ITLN1: variants seen among roughly 807,000 people sequenced by gnomAD.
ITLN1 encodes the protein intelectin-1.
In ITLN1, 29 loss-of-function variants were observed where a neutral mutation model predicts 36.2. The ratio of observed to expected loss-of-function variants is 0.80; its 90% confidence interval spans 0.60 to 1.09. The LOEUF (loss-of-function observed/expected upper bound fraction) is 1.09. Among genes scored for constraint, ITLN1 ranks in the 50% least tolerant of loss-of-function variants. ITLN1 has a pLI of 0.00. For synonymous variants in ITLN1, 143 were observed against 146.5 expected, an observed-to-expected ratio of 0.98 and a Z score of 0.17; for missense variants, 358 against 405.2, an observed-to-expected ratio of 0.88 and a Z score of 1.00.
In ITLN1 at chr1:160,876,669, G is replaced by C. The variant is rs374218069; in HGVS notation, c.937C>G (p.Arg313Gly). The change falls in exon 8 of 8, where the codon CGT becomes GGT. Residue 313 changes from arginine (R) to glycine (G), a missense_variant. Physicochemically the swap from Arg to Gly is moderately radical, Grantham distance 125. Coordinates refer to ENST00000326245, the MANE Select transcript of ITLN1 (RefSeq NM_017625.3). Reference protein sequence around the residue: ...ITEAAVLLFYR With the variant: ...ITEAAVLLFYG ...GGTTCCCTCCCACAAAACTCTCAAC[G>C]ATAGAATAGAAGCACAGCTGCCTCA... 1.2e-6 allele frequency: 2 copies of C among 1,614,000 alleles called. No homozygotes were observed. Among genetic ancestry groups the C allele is most frequent in the Non-Finnish European group, 1.7e-6 (2 of 1,180,002 alleles).
At chr1:160,878,876 A>T (rs993152270) in intron 7 of ITLN1, among the ~76,000 whole-genome samples, 1 of 152,170 alleles carries the variant, frequency 6.6e-6, no homozygotes, top group Non-Finnish European at 1.5e-5. Context: ...TGCAGTGTGT[A>T]TCTAGGCAAA....
At chr1:160,879,630 G>A (rs2274906) in intron 6 of ITLN1, among the ~76,000 whole-genome samples, 47,604 of 151,998 alleles carry the variant, frequency 0.31, 8,846 homozygotes, top group Admixed American at 0.43. Context: ...TGAAGAGCTG[G>A]TCCTCAGAGA....
chr1:160,883,614 T>G (rs1046745972), intron 2 of ITLN1, 88 bp from the exon 3 acceptor site: 4 of 923,080 alleles, frequency 4.3e-6, no homozygotes, highest in Non-Finnish European at 7.0e-6. Context: ...ATTCCACCAC[T>G]GTAGCAGAAC....
In ITLN1 at chr1:160,884,889, G is replaced by C. The variant is rs747105662; in HGVS notation, c.-6-6C>G. 1 of 1,607,802 alleles carries C rather than the reference G, an allele frequency of 6.2e-7. No individual in the cohort carries two copies. The highest frequency in any genetic ancestry group is 1.1e-5 in the South Asian group (1 of 90,892). On this transcript the variant is annotated splice_region_variant and splice_polypyrimidine_tract_variant and intron_variant, in intron 1 of 7. Transcript: ENST00000326245. Reference sequence around the variant, plus strand: ...CTGAGTTGGTTCATTGTAATCTAAAGAAAGCAAGATGAAGGTCACCATCTT... The same window carrying C: ...CTGAGTTGGTTCATTGTAATCTAAACAAAGCAAGATGAAGGTCACCATCTT...
chr1:160,881,561 C>A (rs1160569527), intron 4 of ITLN1: 3 of 517,662 alleles, frequency 5.8e-6, no homozygotes, highest in Non-Finnish European at 9.9e-6. Flanking sequence ...ATAATCCCAG[C>A]ACTTTGGGAG....
Position 160,879,297 on chromosome 1 carries a change from C to T in ITLN1, c.789+14G>A. ...CCTTACTCACAGGTCCCTGCAGTCC[C>T]CACAGAGACTCACGTGCTCAGTGTT... On this transcript the variant is annotated intron_variant, in intron 7 of 7. Coordinates refer to ENST00000326245, the MANE Select transcript of ITLN1 (RefSeq NM_017625.3). 1 of 1,602,316 alleles carries T rather than the reference C, an allele frequency of 6.2e-7. No homozygotes were observed.
chr1:160,878,159 ACT>A (rs1670620768), intron 7 of ITLN1, among the ~76,000 whole-genome samples: 2 of 150,574 alleles, frequency 1.3e-5, no homozygotes, highest in Admixed American at 1.3e-4. Context: ...CAAGAGCAAA[ACT>A]CTGTCTCAAA....
At chr1:160,884,765 G>A (rs547977946) in intron 2 of ITLN1, 55 bp downstream of exon 2, 2 of 1,244,182 alleles carry the variant, frequency 1.6e-6, no homozygotes, top group South Asian at 2.4e-5. Flanking sequence ...GGAGAGACCA[G>A]GATCCCGGAA....
chr1:160,881,063 A>G, intron 5 of ITLN1, 91 bp downstream of exon 5: 1 of 1,369,004 alleles, frequency 7.3e-7, no homozygotes, highest in South Asian at 1.4e-5. Flanking sequence ...CATGGGAGAC[A>G]GACCCATTAA....
At position 160,884,864 on chromosome 1, in the gene ITLN1, C is replaced by A. The variant is rs765857065; in HGVS notation, c.14G>T (p.Ser5Ile). 1 of 1,613,088 alleles carries A rather than the reference C, an allele frequency of 6.2e-7. No individual in the cohort carries two copies. The highest frequency in any genetic ancestry group is 8.5e-7 in the Non-Finnish European group (1 of 1,179,168). Residue 5 changes from serine to isoleucine, a missense_variant, in exon 2 of 8, where the codon AGC (serine) becomes ATC (isoleucine). Transcript: ENST00000326245. MNQLSFLLFLIATTR... is the reference protein window; with the variant it reads MNQLIFLLFLIATTR... Reference sequence around the variant, plus strand: ...GGTCGCTATGAGAAACAGCAGGAAGCTGAGTTGGTTCATTGTAATCTAAAG... The same window carrying A: ...GGTCGCTATGAGAAACAGCAGGAAGATGAGTTGGTTCATTGTAATCTAAAG...
intron 6 of ITLN1, 107 bp from the exon 7 acceptor site, chr1:160,879,521 C>T: frequency 1.2e-6 from 1 of 817,480 alleles, no homozygotes; most frequent in Non-Finnish European, 2.0e-6. Context: ...CAGCCCAACA[C>T]TCCAGCTGTA....
rs1324939039 is a variant in ITLN1, at chr1:160,882,011, C to T, written c.351G>A (p.Trp117Ter). The change falls in exon 4 of 8, where the codon TGG becomes TGA. Residue 117 changes from tryptophan (W) to a stop codon, truncating the protein, a stop_gained. Transcript: ENST00000326245. LOFTEE classifies it high-confidence loss of function. The stretch of plus-strand genomic sequence containing the variant: ...CAGATCCAAAGGTGTTGTAGTTGGC[C>T]CAGTTGCCGTCCCCCTCTGGGTAGA... ...KAVYPEGDGN[W>*]ANYNTFGSAE... The T allele has an allele frequency of 1.9e-6, 3 of 1,614,076 alleles. No individual in the cohort carries two copies. Among genetic ancestry groups the T allele is most frequent in the Middle Eastern group, 1.7e-4 (1 of 6,060 alleles).
rs150633905 is a variant in ITLN1, at chr1:160,881,200, G to T, written c.518C>A (p.Thr173Asn). ...NSSLLRYRTD[T>N]GFLQTLGHNL... ...ATGTCCCAGTGTCTGGAGGAAGCCA[G>T]TGTCCGTGCGGTACCTCAGCAGGGA... The change falls in exon 5 of 8, where the codon ACT becomes AAT. Residue 173 changes from threonine (T) to asparagine (N), a missense_variant. Coordinates refer to ENST00000326245, the MANE Select transcript of ITLN1 (RefSeq NM_017625.3). 5.6e-6 allele frequency: 9 copies of T among 1,613,616 alleles called. No individual in the cohort carries two copies. The highest frequency in any genetic ancestry group is 7.6e-6 in the Non-Finnish European group (9 of 1,179,786).
intron 7 of ITLN1, among the ~76,000 whole-genome samples, chr1:160,878,783 C>A (rs1670634155): frequency 6.6e-6 from 1 of 152,060 alleles, no homozygotes; most frequent in African/African-American, 2.4e-5. Context: ...GATTCCTGAG[C>A]CTTAACATTT....
intron 7 of ITLN1, among the ~76,000 whole-genome samples, chr1:160,878,292 G>A (rs1670623352): frequency 6.6e-6 from 1 of 152,040 alleles, no homozygotes; most frequent in African/African-American, 2.4e-5. Context: ...AGAAGCCGAA[G>A]CCGCTATACT....
chr1:160,878,897 G>A (rs1046530011), intron 7 of ITLN1, among the ~76,000 whole-genome samples: 10 of 152,036 alleles, frequency 6.6e-5, no homozygotes, highest in South Asian at 2.1e-4. Flanking sequence ...CCATGGCTAG[G>A]GTTGGGGAGG....
chr1:160,880,285 A>G (rs371223555), intron 6 of ITLN1, among the ~76,000 whole-genome samples: 33 of 146,532 alleles, frequency 2.3e-4, no homozygotes, highest in African/African-American at 8.3e-4. Flanking sequence ...AGCCTGGGCA[A>G]CAACAGCAAA....
At chr1:160,882,340 A>G (rs1670695465) in intron 3 of ITLN1, 136 bp from the exon 4 acceptor site, 1 of 1,138,250 alleles carries the variant, frequency 8.8e-7, no homozygotes, top group Admixed American at 2.9e-5. Flanking sequence ...AAGTGCTCCC[A>G]GGGGTACTGG....
intron 7 of ITLN1, among the ~76,000 whole-genome samples, chr1:160,878,903 G>C (rs1454852831): frequency 6.6e-6 from 1 of 152,064 alleles, no homozygotes; most frequent in Non-Finnish European, 1.5e-5. Context: ...CTAGGGTTGG[G>C]GAGGTCCAGG....
Sources: gnomAD v4.1 joint callset for allele counts (sites outside exome capture counted in the v4.1 genomes callset) on GRCh38, gnomAD v4.1.1 for gene constraint, MANE v1.5 for transcripts, NCBI Gene and HGNC (gene_info 2026-07-23, HGNC 2026-07-21) for gene names.